B9D1: variants seen among roughly 807,000 people sequenced by gnomAD.
The protein encoded by B9D1 is B9 domain-containing protein 1.
In B9D1, 20 loss-of-function variants were observed where a neutral mutation model predicts 26.1. The observed-to-expected ratio is 0.77, with a 90% confidence interval of 0.54 to 1.12. B9D1 has a LOEUF of 1.12. Ranked by LOEUF, B9D1 falls within the 50% of genes most tolerant of loss-of-function variation. The probability of loss-of-function intolerance (pLI) is 0.00; values close to 1 mark genes in which losing one functional copy is unlikely to be tolerated. For missense variants in B9D1, 260 were observed against 273.7 expected, an observed-to-expected ratio of 0.95 and a Z score of 0.35; for synonymous variants, 105 against 103.1, an observed-to-expected ratio of 1.02 and a Z score of -0.11.
At chr17:19,341,474 A>G, downstream of B9D1, 1 of 464,576 alleles carries the variant, frequency 2.2e-6, no homozygotes, top group Non-Finnish European at 3.5e-6. Flanking sequence ...GGGGAGAAGA[A>G]AGACCCTTGA....
At chr17:19,356,328 G>C (rs1910351580) in intron 3 of B9D1, among the ~76,000 whole-genome samples, 1 of 152,144 alleles carries the variant, frequency 6.6e-6, no homozygotes, top group Non-Finnish European at 1.5e-5. Context: ...CTGAGCTCAG[G>C]CGATCTGCCT....
chr17:19,350,561 A>G (rs1199079291), intron 3 of B9D1, among the ~76,000 whole-genome samples: 7 of 152,100 alleles, frequency 4.6e-5, no homozygotes, highest in African/African-American at 1.7e-4. Flanking sequence ...AAACAAAAAC[A>G]AAAACAAAAA....
intron 3 of B9D1, among the ~76,000 whole-genome samples, chr17:19,355,833 C>CA (rs920559116): frequency 1.8e-4 from 26 of 147,224 alleles, no homozygotes; most frequent in Admixed American, 3.4e-4. Context: ...GACTCAGTCT[C>CA]AAAAAAAAAA....
chr17:19,362,449 G>A, intron 1 of B9D1, 58 bp downstream of exon 1: 2 of 1,383,496 alleles, frequency 1.4e-6, no homozygotes, highest in Non-Finnish European at 9.8e-7. Context: ...GGGGGGTTGC[G>A]GGAAGGGCCC....
chr17:19,337,405 A>C, downstream of B9D1: 3 of 279,158 alleles, frequency 1.1e-5, no homozygotes, highest in Non-Finnish European at 2.0e-5. Flanking sequence ...CCTGATGGGA[A>C]GGGTTGGAGA....
At chr17:19,355,673 C>CAA (rs1203198337) in intron 3 of B9D1, among the ~76,000 whole-genome samples, 1 of 134,946 alleles carries the variant, frequency 7.4e-6, no homozygotes, top group East Asian at 2.2e-4. Context: ...ACTAAAAATA[C>CAA]AAAAAAAAAA....
In B9D1 at chr17:19,370,988, G is replaced by A. The variant is rs1297940686; in HGVS notation, c.-298+6871C>T. On this transcript the variant is annotated intron_variant, in intron 1 of 5. Coordinates refer to the B9D1 transcript ENST00000477478. The surrounding 1 kb of genome is among the most constrained non-coding windows in gnomAD (Gnocchi z 5.1). ...CCATCAAGCCCCACTGCTTTCCACT[G>A]CTTTGGTGCCTTCGCCTCTCTGGGT... 1.3e-5 allele frequency among the ~76,000 whole-genome samples: 2 copies of A among 152,238 alleles called. No homozygotes were observed. Among genetic ancestry groups the A allele is most frequent in the African/African-American group, 2.4e-5 (1 of 41,464 alleles).
chr17:19,365,796 A>G (rs1308104994), upstream of B9D1, among the ~76,000 whole-genome samples: 1 of 151,998 alleles, frequency 6.6e-6, no homozygotes, highest in Non-Finnish European at 1.5e-5. This position sits in a 1 kb window ranked among gnomAD's most constrained non-coding sequence, Gnocchi z 5.0. Flanking sequence ...GGTTGTTGTG[A>G]GGATTAAATG....
At chr17:19,362,745 CG>C (rs1567907531), upstream of B9D1, 1 of 1,402,138 alleles carries the variant, frequency 7.1e-7, no homozygotes, top group South Asian at 1.2e-5. Flanking sequence ...GAACGGGCGC[CG>C]TTATAAGGGG....
intron 1 of B9D1, among the ~76,000 whole-genome samples, chr17:19,374,066 CAT>C (rs1334947130): frequency 6.6e-6 from 1 of 152,220 alleles, no homozygotes; most frequent in Non-Finnish European, 1.5e-5. Flanking sequence ...GTATATAACA[CAT>C]GAGATTGTCT....
chr17:19,357,488 A>T (rs1366850169), intron 3 of B9D1: 1 of 380,026 alleles, frequency 2.6e-6, no homozygotes, highest in Non-Finnish European at 5.1e-6. Context: ...CCGGAACACA[A>T]CACGCCATGG....
intron 3 of B9D1, among the ~76,000 whole-genome samples, chr17:19,350,171 G>A (rs561258019): frequency 6.6e-6 from 1 of 152,110 alleles, no homozygotes; most frequent in East Asian, 2.0e-4. Flanking sequence ...AGCACTTTGG[G>A]AGGCTGAGGT....
chr17:19,348,818 A>G (rs1276662713), intron 3 of B9D1, among the ~76,000 whole-genome samples: 1 of 152,244 alleles, frequency 6.6e-6, no homozygotes, highest in Admixed American at 6.5e-5. Flanking sequence ...AATTATGTCC[A>G]TTAGATTTTC....
chr17:19,377,747 C>G, intron 1 of B9D1: 1 of 822,022 alleles, frequency 1.2e-6, no homozygotes. Context: ...GAGGGCTCCG[C>G]CCACCCGCGG....
intron 1 of B9D1, among the ~76,000 whole-genome samples, chr17:19,376,624 CAAAA>C (rs56972267): frequency 8.2e-5 from 4 of 48,972 alleles, no homozygotes; most frequent in Admixed American, 3.7e-4. Context: ...TACTAAAATA[CAAAA>C]AAAAAAAAAA....
In B9D1 at chr17:19,359,063, C is replaced by T. The variant is rs539131638; in HGVS notation, c.133-1112G>A. Reference sequence around the variant, plus strand: ...TCTATCTTCAGAATATACTTGCAGTCCAGCCCCTCCCACCACCCCACTGCC... The same window carrying T: ...TCTATCTTCAGAATATACTTGCAGTTCAGCCCCTCCCACCACCCCACTGCC... On this transcript the variant is annotated intron_variant, in intron 2 of 6. Coordinates refer to ENST00000261499, the MANE Select transcript of B9D1 (RefSeq NM_015681.6). This position sits in a 1 kb window ranked among gnomAD's most constrained non-coding sequence, Gnocchi z 5.0. Among the ~76,000 whole-genome samples the T allele has an allele frequency of 2.6e-5, 4 of 152,332 alleles. No homozygotes were observed. In the East Asian group the frequency reaches 7.7e-4, roughly 29 times the overall value.
At chr17:19,343,754 TG>T in intron 6 of B9D1, 35 bp downstream of exon 6, 1 of 1,613,146 alleles carries the variant, frequency 6.2e-7, no homozygotes, top group South Asian at 1.1e-5. Context: ...GTAACCTGTA[TG>T]GGGGATGGGG....
intron 5 of B9D1, among the ~76,000 whole-genome samples, chr17:19,344,215 A>G (rs1434603343): frequency 3.3e-5 from 5 of 152,148 alleles, no homozygotes; most frequent in Admixed American, 3.3e-4. Context: ...AAATCCCAGA[A>G]AAGTGACAGC....
upstream of B9D1, among the ~76,000 whole-genome samples, chr17:19,367,690 T>C (rs1428677406): frequency 6.6e-6 from 1 of 152,266 alleles, no homozygotes; most frequent in Non-Finnish European, 1.5e-5. Context: ...TCCTTTGTTC[T>C]AGAAAGTCCT....
Sources: allele counts gnomAD v4.1 joint callset (sites outside exome capture counted in the v4.1 genomes callset), GRCh38; gene constraint gnomAD v4.1.1; non-coding constraint Gnocchi (gnomAD v3.1); transcripts MANE v1.5; gene names NCBI Gene and HGNC (gene_info 2026-07-23, HGNC 2026-07-21).